TCF20: variants seen among roughly 807,000 people sequenced by gnomAD.
The protein encoded by TCF20 is SPRE-binding protein.
In TCF20, 3 loss-of-function variants were observed where a neutral mutation model predicts 148.6. The ratio of observed to expected loss-of-function variants is 0.02; its 90% CI spans 0.01 to 0.05. The LOEUF is 0.05. TCF20 is among the 10% of genes least tolerant of loss of function. The pLI is 1.00. For synonymous variants in TCF20, 1,049 were observed against 909.5 expected (o/e 1.15, Z -2.76); for missense variants, 2,350 against 2,429.3 (o/e 0.97, Z 0.69).
intron 1 of TCF20, among the ~76,000 whole-genome samples, chr22:42,309,714 T>C (rs1285700865): frequency 6.6e-6 from 1 of 152,220 alleles, no homozygotes; most frequent in Non-Finnish European, 1.5e-5. Flanking sequence ...CTCAGACTTC[T>C]TTCCTCTCAA....
chr22:42,168,119 C>T (rs1357497892), intron 5 of TCF20, among the ~76,000 whole-genome samples: 1 of 152,074 alleles, frequency 6.6e-6, no homozygotes, highest in East Asian at 1.9e-4. Context: ...AAAAAGGAAT[C>T]CTTCATAATA....
upstream of TCF20, chr22:42,274,307 C>G (rs977856764): frequency 6.6e-6 from 1 of 152,552 alleles, no homozygotes; most frequent in African/African-American, 2.4e-5. Context: ...AGTGCACAAA[C>G]AGCAGGGGTG....
intron 1 of TCF20, among the ~76,000 whole-genome samples, chr22:42,257,675 G>C (rs193153845): frequency 6.6e-5 from 10 of 152,298 alleles, no homozygotes; most frequent in South Asian, 2.1e-4. Flanking sequence ...AAAATATTCT[G>C]CAAGTCTTTT....
chr22:42,230,751 T>C (rs1046646430), intron 1 of TCF20, among the ~76,000 whole-genome samples: 1 of 152,180 alleles, frequency 6.6e-6, no homozygotes, highest in Non-Finnish European at 1.5e-5. Context: ...GATGTGAAGC[T>C]GGAAGACAGT....
Position 42,219,355 on chromosome 22 carries a change from C to CAAAAAAAAAAAAAAAAAAAAAAA in TCF20, c.-36-4037_-36-4015dup, listed in dbSNP as rs528664836. On this transcript the variant is annotated intron_variant, in intron 1 of 5. Coordinates refer to ENST00000677622, the MANE Select transcript of TCF20 (RefSeq NM_001378418.1). The stretch of plus-strand genomic sequence containing the variant: ...ACCCTGGGTGACAGTAACCCTGTCT[C>CAAAAAAAAAAAAAAAAAAAAAAA]AAAAAAAAAAAAAAAAAAAAAAAAA... Among the ~76,000 whole-genome samples the CAAAAAAAAAAAAAAAAAAAAAAA allele has an allele frequency of 1.9e-3, 84 of 43,540 alleles. 4 individuals carry two copies. Among genetic ancestry groups the CAAAAAAAAAAAAAAAAAAAAAAA allele is most frequent in the Non-Finnish European group, 2.7e-3 (62 of 23,250 alleles). The allele number at this position is 43,540 out of a possible 152,430, so 28.6% of individuals were successfully genotyped here. A position where few individuals can be genotyped will look rare whatever the true frequency, so the allele number is the denominator to read the frequency against.
intron 1 of TCF20, among the ~76,000 whole-genome samples, chr22:42,309,997 G>A (rs1003056835): frequency 3.3e-5 from 5 of 152,230 alleles, no homozygotes; most frequent in Non-Finnish European, 5.9e-5. Flanking sequence ...ACAGGGCCTG[G>A]TGCCCAGGCA....
intron 1 of TCF20, among the ~76,000 whole-genome samples, chr22:42,311,088 C>T (rs79735026): frequency 8.5e-5 from 13 of 152,262 alleles, no homozygotes; most frequent in African/African-American, 2.6e-4. Context: ...AAGGTGCACA[C>T]GAGTGCAGGA....
intron 1 of TCF20, among the ~76,000 whole-genome samples, chr22:42,231,003 AAC>A (rs1555936222): frequency 2.6e-5 from 4 of 152,116 alleles, no homozygotes; most frequent in African/African-American, 7.2e-5. Context: ...TACTAAAAAA[AAC>A]ACAAAAATTA....
intron 1 of TCF20, among the ~76,000 whole-genome samples, chr22:42,334,419 C>T (rs546143182): frequency 6.6e-6 from 1 of 152,328 alleles, no homozygotes; most frequent in African/African-American, 2.4e-5. Flanking sequence ...ACAACTCAGT[C>T]CCCTGTGCCC....
chr22:42,212,217 G>C lies in TCF20; in HGVS notation c.3089C>G (p.Pro1030Arg). 6.2e-7 allele frequency: 1 copy of C among 1,614,196 alleles called. No homozygotes were observed. Among genetic ancestry groups the C allele is most frequent in the Non-Finnish European group, 8.5e-7 (1 of 1,180,042 alleles). Residue 1030 changes from proline (P) to arginine (R), a missense_variant, in exon 2 of 6, where the codon CCT becomes CGT. Physicochemically the swap from Pro to Arg is moderately radical, Grantham distance 103. This residue lies in a region of TCF20 where 1,641 missense variants were observed against 1,662.6 expected (regional missense o/e 0.99). Coordinates refer to ENST00000677622, the MANE Select transcript of TCF20 (RefSeq NM_001378418.1). ...PGRSRGPGGD[P>R]HHMNPHMTFS... ...GGTCATGTGTGGATTCATGTGATGA[G>C]GGTCTCCCCCTGGGCCTCTGCTCCG...
chr22:42,209,664 A>G lies in TCF20; in HGVS notation c.5642T>C (p.Ile1881Thr). The G allele has an allele frequency of 1.2e-6, 2 of 1,606,180 alleles. No individual in the cohort carries two copies. Among genetic ancestry groups the G allele is most frequent in the Non-Finnish European group, 1.7e-6 (2 of 1,176,468 alleles). ...RLYGLQEALEIAREMKCSHCQ... is the reference protein window; with the variant it reads ...RLYGLQEALETAREMKCSHCQ... ...TCTCATACTCACCATCTCTCTGGCT[A>G]TTTCCAGCGCTTCCTGCAGGCCATA... Residue 1881 changes from isoleucine to threonine, a missense_variant, in exon 2 of 6, where the codon ATA (isoleucine) becomes ACA (threonine). Around this residue, in one of 7 missense-constraint regions of TCF20, gnomAD observed 30 missense variants for 59.5 expected, o/e 0.50. Transcript: ENST00000677622.
intron 2 of TCF20, among the ~76,000 whole-genome samples, chr22:42,181,728 C>G (rs2147100408): frequency 6.6e-6 from 1 of 151,684 alleles, no homozygotes; most frequent in African/African-American, 2.4e-5. Context: ...CTGACCTCAG[C>G]CTCCCGAGTA....
chr22:42,265,252 C>T (rs1926222349), intron 1 of TCF20, among the ~76,000 whole-genome samples: 1 of 152,182 alleles, frequency 6.6e-6, no homozygotes, highest in Non-Finnish European at 1.5e-5. Flanking sequence ...CTATCCAGTG[C>T]AATGTGACCA....
intron 1 of TCF20, among the ~76,000 whole-genome samples, chr22:42,231,805 T>C (rs1369740206): frequency 6.6e-6 from 1 of 151,764 alleles, no homozygotes; most frequent in Non-Finnish European, 1.5e-5. Flanking sequence ...GGCGGGCACC[T>C]GTAGTCCCAG....
chr22:42,201,372 G>T (rs9623538), intron 2 of TCF20, among the ~76,000 whole-genome samples: 6,762 of 152,248 alleles, frequency 0.044, 203 homozygotes, highest in Non-Finnish European at 0.065. Context: ...ATGCTATAGG[G>T]AAGTATTTGT....
chr22:42,262,095 G>A (rs1276682116), intron 1 of TCF20, among the ~76,000 whole-genome samples: 1 of 152,238 alleles, frequency 6.6e-6, no homozygotes, highest in East Asian at 1.9e-4. Flanking sequence ...GGGTCAGAGA[G>A]GCAGGCAGAA....
chr22:42,273,952 G>A (rs993404930), upstream of TCF20: 1 of 152,718 alleles, frequency 6.5e-6, no homozygotes, highest in Admixed American at 6.5e-5. Context: ...GGCCCTGCTC[G>A]GCAGATCAGT....
chr22:42,238,820 T>C (rs1924112905), intron 1 of TCF20, among the ~76,000 whole-genome samples: 1 of 152,292 alleles, frequency 6.6e-6, no homozygotes, highest in African/African-American at 2.4e-5. Flanking sequence ...CCAAAACAAT[T>C]ACAAAAGTAA....
At chr22:42,197,238 CCACCAAGGAGG>C (rs1937637012) in intron 2 of TCF20, among the ~76,000 whole-genome samples, 1 of 152,140 alleles carries the variant, frequency 6.6e-6, no homozygotes, top group Non-Finnish European at 1.5e-5. Flanking sequence ...AGTTTAGCCT[CCACCAAGGAGG>C]CTACTTGATT....
Sources: gnomAD v4.1 joint callset for allele counts (sites outside exome capture counted in the v4.1 genomes callset) on GRCh38, gnomAD v4.1.1 for gene constraint, gnomAD v4.1.1 regional missense constraint, MANE v1.5 for transcripts, NCBI Gene and HGNC (gene_info 2026-07-23, HGNC 2026-07-21) for gene names.